The following RBFOX3 variants were observed in gnomAD, a reference collection of about 807,000 sequenced individuals.
RBFOX3 encodes the protein RNA binding fox-1 homolog 3, also known as RNA binding protein fox-1 homolog 3.
A neutral mutation model predicts 48.7 loss-of-function variants in RBFOX3; 17 were observed. The observed-to-expected ratio is 0.35, with a 90% confidence interval of 0.24 to 0.52. The LOEUF (loss-of-function observed/expected upper bound fraction) is 0.52, where lower values mean the gene tolerates loss of function less well. RBFOX3 is among the 20% of genes least tolerant of loss of function. The pLI is 0.94. For synonymous variants in RBFOX3, 212 were observed against 209.5 expected (o/e 1.01, Z -0.10); for missense variants, 382 against 497.5 (o/e 0.77, Z 2.21).
chr17:79,162,270 C>T (rs2047130975), intron 4 of RBFOX3, among the ~76,000 whole-genome samples: 1 of 152,004 alleles, frequency 6.6e-6, no homozygotes, highest in African/African-American at 2.4e-5. Flanking sequence ...ATGTGGTTTT[C>T]TCCTCTTGCA....
chr17:79,226,533 G>A (rs902371526), intron 4 of RBFOX3, among the ~76,000 whole-genome samples: 12 of 152,240 alleles, frequency 7.9e-5, no homozygotes, highest in Non-Finnish European at 1.5e-4. Context: ...CATGGGGTCT[G>A]TGACTGCACC....
chr17:79,357,691 GA>G (rs1378960518), intron 2 of RBFOX3, among the ~76,000 whole-genome samples: 1 of 137,512 alleles, frequency 7.3e-6, no homozygotes, highest in Non-Finnish European at 1.6e-5. Flanking sequence ...CATGCTAAAT[GA>G]AAAGGCAAGA....
At chr17:79,280,062 G>A (rs565184986) in intron 3 of RBFOX3, among the ~76,000 whole-genome samples, 3 of 152,114 alleles carry the variant, frequency 2.0e-5, no homozygotes, top group East Asian at 3.9e-4. Flanking sequence ...TGGGAAGAGC[G>A]AAGCAGCAGC....
chr17:79,272,609 C>T (rs999692401), intron 3 of RBFOX3, among the ~76,000 whole-genome samples: 2 of 152,202 alleles, frequency 1.3e-5, no homozygotes, highest in Non-Finnish European at 2.9e-5. Context: ...TAGGGGGTCT[C>T]TCCTGTCCTC....
intron 4 of RBFOX3, among the ~76,000 whole-genome samples, chr17:79,225,563 T>C (rs867193289): frequency 1.7e-4 from 26 of 152,184 alleles, no homozygotes; most frequent in Admixed American, 1.2e-3. Context: ...AGTGCTGGGA[T>C]TAAAGGCATG....
At chr17:79,324,755 C>T (rs2079052828) in intron 2 of RBFOX3, among the ~76,000 whole-genome samples, 1 of 152,222 alleles carries the variant, frequency 6.6e-6, no homozygotes, top group South Asian at 2.1e-4. Flanking sequence ...CACAAGCCAA[C>T]ACCTGGCCGA....
chr17:79,221,032 C>A (rs1326733861), intron 4 of RBFOX3, among the ~76,000 whole-genome samples: 3 of 152,250 alleles, frequency 2.0e-5, no homozygotes, highest in Non-Finnish European at 4.4e-5. Context: ...ACCTTCTCCA[C>A]TAACCCACCC....
intron 2 of RBFOX3, among the ~76,000 whole-genome samples, chr17:79,330,134 C>T (rs56174997): frequency 0.039 from 5,964 of 152,284 alleles, 189 homozygotes; most frequent in Non-Finnish European, 0.061. Flanking sequence ...TGCGTGTGGG[C>T]GCGCGTGTAC....
intron 2 of RBFOX3, among the ~76,000 whole-genome samples, chr17:79,323,832 G>C (rs1187527212): frequency 6.6e-6 from 1 of 152,272 alleles, no homozygotes; most frequent in Admixed American, 6.5e-5. Context: ...TTACCATGCA[G>C]ATCCAAGTTG....
Position 79,159,837 on chromosome 17 carries a change from G to A in RBFOX3, c.-33-44089C>T, listed in dbSNP as rs150865474. Among the ~76,000 whole-genome samples the A allele has an allele frequency of 4.4e-3, 672 of 152,308 alleles. 4 individuals are homozygous for A. The highest frequency in any genetic ancestry group is 0.016 in the African/African-American group (650 of 41,564). ...CCCTACAGCTGCTGAGGAGGGTGAG[G>A]ACAGGTCGCTACTCCCACCTCCCTC... On this transcript the variant is annotated intron_variant, in intron 4 of 14. Transcript: ENST00000693108.
intron 2 of RBFOX3, among the ~76,000 whole-genome samples, chr17:79,329,667 C>T (rs985778757): frequency 5.3e-5 from 8 of 152,094 alleles, no homozygotes; most frequent in Non-Finnish European, 1.2e-4. Context: ...AAGCTGTAGG[C>T]CCCCCACCCC....
At position 79,595,354 on chromosome 17, in the gene RBFOX3, C is replaced by T. The variant is rs903329627; in HGVS notation, c.-320+15472G>A. On this transcript the variant is annotated intron_variant, in intron 1 of 14. Coordinates refer to ENST00000693108, the MANE Select transcript of RBFOX3 (RefSeq NM_001350451.2). ...GAAGAACATGCTCAGTCAGCAACCG[C>T]TCGCTGGGCACCTGCTTTGTGCCAG... Among the ~76,000 whole-genome samples, 316 of 152,344 alleles carry T rather than the reference C, an allele frequency of 2.1e-3. 2 individuals are homozygous for T. The highest frequency in any genetic ancestry group is 3.1e-3 in the Non-Finnish European group (208 of 68,032).
chr17:79,412,103 T>G (rs1181798192), intron 2 of RBFOX3, among the ~76,000 whole-genome samples: 1 of 151,990 alleles, frequency 6.6e-6, no homozygotes, highest in Admixed American at 6.6e-5. Flanking sequence ...TGTGGGGTGG[T>G]GTGTGTATAT....
intron 11 of RBFOX3, 36 bp from the exon 12 acceptor site, chr17:79,096,869 G>A (rs968470169): frequency 4.7e-6 from 3 of 638,664 alleles, no homozygotes; most frequent in African/African-American, 1.8e-5. Flanking sequence ...CACCCTTGCT[G>A]ATCAGCAACT....
the RBFOX3 span, among the ~76,000 whole-genome samples, chr17:79,621,159 C>T: frequency 2.0e-5 from 3 of 152,104 alleles, no homozygotes; most frequent in South Asian, 2.1e-4. Flanking sequence ...CCACCACGCC[C>T]GGCTTATTTT....
At chr17:79,475,649 C>G (rs1322396608) in intron 2 of RBFOX3, among the ~76,000 whole-genome samples, 1 of 152,216 alleles carries the variant, frequency 6.6e-6, no homozygotes, top group African/African-American at 2.4e-5. Flanking sequence ...TGAGAACACA[C>G]AGGTGCACAC....
intron 4 of RBFOX3, among the ~76,000 whole-genome samples, chr17:79,233,291 A>C (rs1254856548): frequency 6.6e-6 from 1 of 152,246 alleles, no homozygotes; most frequent in Non-Finnish European, 1.5e-5. Context: ...ATAAAACTCC[A>C]GAAAATATAC....
intron 4 of RBFOX3, among the ~76,000 whole-genome samples, chr17:79,118,814 T>TAA (rs34700433): frequency 2.8e-5 from 4 of 142,380 alleles, no homozygotes; most frequent in African/African-American, 1.0e-4. Context: ...CTACAAAAAA[T>TAA]AAAAAAAAAA....
chr17:79,235,355 G>C (rs1489175943), intron 4 of RBFOX3: 1 of 152,078 alleles, frequency 6.6e-6, no homozygotes, highest in Non-Finnish European at 1.5e-5. Flanking sequence ...AGCTGGGGCT[G>C]CCTGAGGAAT....
Sources: gnomAD v4.1 joint callset for allele counts (sites outside exome capture counted in the v4.1 genomes callset) on GRCh38, gnomAD v4.1.1 for gene constraint, MANE v1.5 for transcripts, NCBI Gene and HGNC (gene_info 2026-07-23, HGNC 2026-07-21) for gene names.